The following CHD7 variants were observed in gnomAD, a reference collection of about 807,000 sequenced individuals.
CHD7 encodes the protein ATP-dependent chromatin remodeler CHD7.
A neutral mutation model predicts 307.3 loss-of-function variants in CHD7; 24 were observed. The observed-to-expected ratio is 0.08, with a 90% CI of 0.06 to 0.11. The LOEUF (loss-of-function observed/expected upper bound fraction) is 0.11. CHD7 is among the 10% of genes least tolerant of loss of function. The pLI, the probability that CHD7 is intolerant of heterozygous loss-of-function variation, is 1.00. For missense variants in CHD7, 3,106 were observed against 3,727.1 expected, an observed-to-expected ratio of 0.83 and a Z score of 4.34; for synonymous variants, 1,363 against 1,349.9, an observed-to-expected ratio of 1.01 and a Z score of -0.21.
chr8:60,717,951 C>T (rs569009692), intron 1 of CHD7, among the ~76,000 whole-genome samples: 10 of 129,810 alleles, frequency 7.7e-5, no homozygotes, highest in South Asian at 3.1e-4. Flanking sequence ...GAGTATACCC[C>T]TTCTACCATT....
At chr8:60,799,391 C>T (rs866778328) in intron 4 of CHD7, among the ~76,000 whole-genome samples, 1 of 152,170 alleles carries the variant, frequency 6.6e-6, no homozygotes, top group Non-Finnish European at 1.5e-5. Flanking sequence ...GCCAGTGATC[C>T]TGCTAATACT....
intron 1 of CHD7, among the ~76,000 whole-genome samples, chr8:60,685,300 G>A (rs1805826095): frequency 6.6e-6 from 1 of 152,248 alleles, no homozygotes; most frequent in Non-Finnish European, 1.5e-5. Context: ...AGTGAAATGG[G>A]AGAGGGGAGG....
intron 2 of CHD7, among the ~76,000 whole-genome samples, chr8:60,768,311 C>T (rs531586056): frequency 6.6e-6 from 1 of 152,328 alleles, no homozygotes; most frequent in East Asian, 1.9e-4. Context: ...CAATTCCATT[C>T]TAGATGAGGA....
At chr8:60,694,637 C>T (rs187219218) in intron 1 of CHD7, among the ~76,000 whole-genome samples, 429 of 152,346 alleles carry the variant, frequency 2.8e-3, no homozygotes, top group Admixed American at 5.4e-3. Flanking sequence ...GGCAAGAGCC[C>T]TTTGTCTCTG....
intron 1 of CHD7, among the ~76,000 whole-genome samples, chr8:60,706,484 T>C (rs1807027816): frequency 6.6e-6 from 1 of 152,190 alleles, no homozygotes; most frequent in South Asian, 2.1e-4. Flanking sequence ...GTGTAGGTGA[T>C]GAAAGAACAA....
intron 26 of CHD7, 176 bp from the exon 27 acceptor site, chr8:60,850,856 A>AC: frequency 1.5e-6 from 1 of 675,766 alleles, no homozygotes; most frequent in East Asian, 2.7e-5. Context: ...ATCTCCCCAG[A>AC]CCCCCTCCAC....
chr8:60,840,743 G>C (rs536221526), intron 19 of CHD7, among the ~76,000 whole-genome samples: 1 of 151,522 alleles, frequency 6.6e-6, no homozygotes, highest in African/African-American at 2.4e-5. Context: ...TCAGCTTCCC[G>C]AGTAGCTGGG....
At chr8:60,780,151 T>C (rs1162596900) in intron 2 of CHD7, among the ~76,000 whole-genome samples, 2 of 152,238 alleles carry the variant, frequency 1.3e-5, no homozygotes, top group Non-Finnish European at 2.9e-5. Context: ...TGGTGAGCTA[T>C]GAGGGAGGCT....
In CHD7 at chr8:60,786,146, A is replaced by G. The variant is rs1811481667; in HGVS notation, c.2096+4716A>G. 3.3e-5 allele frequency among the ~76,000 whole-genome samples: 5 copies of G among 152,350 alleles called. No homozygotes were observed. The South Asian group carries it at 1.0e-3, about 32-fold the overall frequency. ...TTTTCTTCAACAAAAGGACCATAGC[A>G]TCTTTTAAATCCCGAATCCTTCTTT... On this transcript the variant is annotated intron_variant, in intron 3 of 37. Coordinates refer to ENST00000423902, the MANE Select transcript of CHD7 (RefSeq NM_017780.4).
intron 1 of CHD7, among the ~76,000 whole-genome samples, chr8:60,738,920 A>C (rs1197932237): frequency 1.3e-5 from 2 of 152,194 alleles, no homozygotes; most frequent in African/African-American, 4.8e-5. Context: ...GAGCACAGCC[A>C]AGGATCAGTA....
At chr8:60,754,848 T>A (rs6994180) in intron 2 of CHD7, among the ~76,000 whole-genome samples, 2 of 152,104 alleles carry the variant, frequency 1.3e-5, no homozygotes, top group Non-Finnish European at 2.9e-5. Flanking sequence ...AAGAAGTTCA[T>A]CCACTGACCT....
rs587783430 is a variant in CHD7, at chr8:60,742,944, A to G, written c.1512A>G (p.Gln504=). ...TACCTGGCCAACAACATCCTGGTCA[A>G]CAGCCATCTTTTCAGCAGTTGCCAA... The part of the protein sequence containing the change: ...RLIPGQQHPG[Q]QPSFQQLPTC... The change falls in exon 2 of 38, where the codon CAA becomes CAG. Residue 504 remains glutamine, a synonymous_variant. Coordinates refer to ENST00000423902, the MANE Select transcript of CHD7 (RefSeq NM_017780.4). 2.5e-6 allele frequency: 4 copies of G among 1,613,382 alleles called. No homozygotes were observed. Among genetic ancestry groups the G allele is most frequent in the Non-Finnish European group, 3.4e-6 (4 of 1,179,668 alleles).
In CHD7 at chr8:60,865,885, C is replaced by T. The variant is rs1806223919; in HGVS notation, c.8946C>T (p.Asp2982=). The change falls in exon 38 of 38, where the codon GAC becomes GAT. Residue 2982 remains aspartate, a synonymous_variant. Transcript: ENST00000423902. The surrounding 1 kb of genome is among the most constrained non-coding windows in gnomAD (Gnocchi z 4.3). The part of the protein sequence containing the change: ...EDEIAQGEEL[D]SLDGGDEIEN... ...AAATAGCACAGGGTGAAGAGCTAGA[C>T]TCACTTGATGGGGGGGATGAAATAG... 3 of 1,611,038 alleles carry T rather than the reference C, an allele frequency of 1.9e-6. No homozygotes were observed. The highest frequency in any genetic ancestry group is 1.7e-6 in the Non-Finnish European group (2 of 1,178,616).
chr8:60,749,221 A>G (rs1033927282), intron 2 of CHD7, among the ~76,000 whole-genome samples: 1 of 151,774 alleles, frequency 6.6e-6, no homozygotes, highest in African/African-American at 2.4e-5. Context: ...AGATACAAAA[A>G]TTAGCCAGGC....
chr8:60,781,013 A>G lies in CHD7; in HGVS notation c.1679A>G (p.Glu560Gly). The G allele has an allele frequency of 6.4e-7, 1 of 1,561,146 alleles. No individual in the cohort carries two copies. The highest frequency in any genetic ancestry group is 8.6e-7 in the Non-Finnish European group (1 of 1,158,998). ...TGTGTCTCTCAGCATTCCCCGTCGG[A>G]GCCCTTTCTAGAGAAACCAGTGCCG... ...KVPVHQHSPS[E>G]PFLEKPVPDM... Residue 560 changes from glutamate to glycine, a missense_variant, in exon 3 of 38, where the codon GAG becomes GGG. Around this residue, in one of 10 missense-constraint regions of CHD7, gnomAD observed 998 missense variants for 1,004.5 expected, o/e 0.99. Coordinates refer to ENST00000423902, the MANE Select transcript of CHD7 (RefSeq NM_017780.4).
chr8:60,857,583 C>G (rs1352851353), intron 34 of CHD7, among the ~76,000 whole-genome samples: 1 of 152,174 alleles, frequency 6.6e-6, no homozygotes, highest in African/African-American at 2.4e-5. Context: ...CACTATATAT[C>G]TTGAACCTAT....
intron 2 of CHD7, among the ~76,000 whole-genome samples, chr8:60,778,331 T>A (rs1012695482): frequency 6.6e-6 from 1 of 152,236 alleles, no homozygotes; most frequent in Non-Finnish European, 1.5e-5. Flanking sequence ...TTCTGCTGCA[T>A]ATCAAACAGA....
intron 1 of CHD7, among the ~76,000 whole-genome samples, chr8:60,715,396 C>T (rs971264755): frequency 6.7e-6 from 1 of 150,150 alleles, no homozygotes; most frequent in African/African-American, 2.5e-5. Context: ...GATCTCACCT[C>T]ACTGCAAACT....
At chr8:60,713,043 C>G (rs1296603182) in intron 1 of CHD7, among the ~76,000 whole-genome samples, 1 of 81,696 alleles carries the variant, frequency 1.2e-5, no homozygotes, top group Non-Finnish European at 2.2e-5. Context: ...GAGTGAAACT[C>G]TGTCTCAAAA....
Sources: gnomAD v4.1 joint callset for allele counts (sites outside exome capture counted in the v4.1 genomes callset) on GRCh38, gnomAD v4.1.1 for gene constraint, gnomAD v4.1.1 regional missense constraint, Gnocchi (gnomAD v3.1) non-coding constraint, MANE v1.5 for transcripts, NCBI Gene and HGNC (gene_info 2026-07-23, HGNC 2026-07-21) for gene names.